Variants in SNRPN observed in about 807,000 individuals in gnomAD.
SNRPN encodes small nuclear ribonucleoprotein-associated protein N.
Under a neutral mutation model 25.2 loss-of-function variants are expected in SNRPN, and 7 were observed. That is an observed-to-expected ratio of 0.28 (90% CI 0.16 to 0.52). The LOEUF (loss-of-function observed/expected upper bound fraction) is 0.52. Among genes scored for constraint, SNRPN ranks in the 20% least tolerant of loss-of-function variants. The probability of loss-of-function intolerance (pLI) is 0.96; values close to 1 mark genes in which losing one functional copy is unlikely to be tolerated. For synonymous variants in SNRPN, 124 were observed against 110.6 expected (o/e 1.12, Z -0.76); for missense variants, 196 against 322.5 (o/e 0.61, Z 3.00).
chr15:24,970,718 AT>A (rs2076292931), intron 3 of SNRPN, among the ~76,000 whole-genome samples: 2 of 152,296 alleles, frequency 1.3e-5, no homozygotes, highest in African/African-American at 4.8e-5. Context: ...TTTTTGTTAC[AT>A]TGTTTTCTAA....
At chr15:24,888,456 T>C (rs953137538) in intron 2 of SNRPN, among the ~76,000 whole-genome samples, 3 of 152,192 alleles carry the variant, frequency 2.0e-5, no homozygotes, top group Admixed American at 1.3e-4. Flanking sequence ...CTACACAACA[T>C]CAGTTTTGTA....
chr15:24,903,557 G>C (rs1007075751), intron 2 of SNRPN, among the ~76,000 whole-genome samples: 1 of 152,102 alleles, frequency 6.6e-6, no homozygotes, highest in Non-Finnish European at 1.5e-5. Flanking sequence ...TGAATGTTTC[G>C]GCACAGGTTC....
At chr15:24,831,344 A>G (rs2050496852) in intron 2 of SNRPN, among the ~76,000 whole-genome samples, 1 of 151,872 alleles carries the variant, frequency 6.6e-6, no homozygotes, top group African/African-American at 2.4e-5. Flanking sequence ...ACTCTTATTA[A>G]TTGACAAAAT....
chr15:24,831,760 A>G (rs901379077), intron 2 of SNRPN, among the ~76,000 whole-genome samples: 17 of 152,058 alleles, frequency 1.1e-4, no homozygotes, highest in African/African-American at 3.4e-4. Flanking sequence ...TTCATTTAAC[A>G]TATTGTCATG....
intron 2 of SNRPN, among the ~76,000 whole-genome samples, chr15:24,963,242 T>C (rs989583259): frequency 2.6e-5 from 4 of 152,262 alleles, no homozygotes; most frequent in South Asian, 2.1e-4. Flanking sequence ...AACATTATTA[T>C]TGTAATCGTT....
intron 1 of SNRPN, among the ~76,000 whole-genome samples, chr15:24,863,172 C>A (rs1345954770): frequency 6.7e-6 from 1 of 150,194 alleles, no homozygotes; most frequent in South Asian, 2.1e-4. Context: ...TGGGGAGGGG[C>A]AAGGGTGGGG....
intron 1 of SNRPN, among the ~76,000 whole-genome samples, chr15:24,866,794 C>T (rs2054611178): frequency 6.6e-6 from 1 of 152,112 alleles, no homozygotes; most frequent in African/African-American, 2.4e-5. Flanking sequence ...AGGTATTTAT[C>T]TTTGTATGCT....
At chr15:24,875,010 T>C (rs1381043891) in intron 1 of SNRPN, among the ~76,000 whole-genome samples, 4 of 152,246 alleles carry the variant, frequency 2.6e-5, no homozygotes, top group African/African-American at 7.2e-5. Context: ...TTGTAAGTGA[T>C]AAGATGTATT....
chr15:24,854,354 G>T (rs1373896679), upstream of SNRPN, among the ~76,000 whole-genome samples: 9 of 152,118 alleles, frequency 5.9e-5, no homozygotes, highest in East Asian at 1.7e-3. Context: ...TGCAAAAAAT[G>T]GCCATAAAGG....
chr15:24,926,856 T>G (rs1417747317), intron 3 of SNRPN, among the ~76,000 whole-genome samples: 2 of 151,004 alleles, frequency 1.3e-5, no homozygotes, highest in African/African-American at 2.4e-5. Flanking sequence ...AAAAAAAATG[T>G]AAAAGTTAGT....
chr15:24,844,541 T>C (rs1251281558), intron 2 of SNRPN, among the ~76,000 whole-genome samples: 2 of 152,188 alleles, frequency 1.3e-5, no homozygotes, highest in Admixed American at 6.5e-5. Context: ...TTGTTTTTTT[T>C]TGAGACAGAG....
At chr15:24,835,363 T>C (rs1295473489) in intron 2 of SNRPN, among the ~76,000 whole-genome samples, 1 of 151,832 alleles carries the variant, frequency 6.6e-6, no homozygotes, top group East Asian at 1.9e-4. Flanking sequence ...GTTCAAACTT[T>C]AATCAAATGC....
intron 1 of SNRPN, among the ~76,000 whole-genome samples, chr15:24,873,595 C>T (rs2055459809): frequency 6.6e-6 from 1 of 151,900 alleles, no homozygotes; most frequent in African/African-American, 2.4e-5. Context: ...CCACAAGTGC[C>T]CACCACCACG....
At chr15:24,960,006 T>TA (rs2153451657) in intron 1 of SNRPN, among the ~76,000 whole-genome samples, 1 of 152,306 alleles carries the variant, frequency 6.6e-6, no homozygotes, top group Non-Finnish European at 1.5e-5. Flanking sequence ...GGCTCATGCC[T>TA]GTAATCCCAG....
At chr15:24,825,265 G>A (rs994261234) in intron 1 of SNRPN, among the ~76,000 whole-genome samples, 18 of 149,052 alleles carry the variant, frequency 1.2e-4, no homozygotes, top group Non-Finnish European at 1.6e-4. Context: ...TTATGACCTC[G>A]CGCCATTGAC....
chr15:24,970,243 T>G (rs2076229642), intron 3 of SNRPN, among the ~76,000 whole-genome samples: 1 of 152,046 alleles, frequency 6.6e-6, no homozygotes, highest in African/African-American at 2.4e-5. Flanking sequence ...CCGTTTTCAT[T>G]AAAAATGTAA....
intron 2 of SNRPN, among the ~76,000 whole-genome samples, chr15:24,901,693 A>C (rs1168566927): frequency 6.6e-6 from 1 of 152,246 alleles, no homozygotes; most frequent in Admixed American, 6.5e-5. Flanking sequence ...CCTGAGAATA[A>C]TGAAGATTAA....
At position 24,975,398 on chromosome 15, in the gene SNRPN, AT is replaced by A. The variant is rs770445659; in HGVS notation, c.45del (p.Tyr15Ter). On this transcript the variant is annotated frameshift_variant, in exon 5 of 10. Transcript: ENST00000390687. LOFTEE classifies it high-confidence loss of function. ...KSSKMLQHID[Y>X]RMRCILQDGR... is the part of the protein sequence containing the mutation. ...AGCAAGATGCTGCAGCACATTGACT[AT>A]AGAATGAGATGTATCCTGCAAGATG... 6.2e-7 allele frequency: 1 copy of A among 1,613,538 alleles called. No individual in the cohort carries two copies. The highest frequency in any genetic ancestry group is 8.5e-7 in the Non-Finnish European group (1 of 1,179,482).
In SNRPN at chr15:24,877,697, A is replaced by ACACACAC. The variant is rs1566858064; in HGVS notation, c.-578-8819_-578-8818insCACACAC. Among the ~76,000 whole-genome samples, 786 of 113,902 alleles carry ACACACAC rather than the reference A, an allele frequency of 6.9e-3. 10 individuals are homozygous for ACACACAC. The highest frequency in any genetic ancestry group is 0.019 in the African/African-American group (594 of 30,946). 74.7% of individuals were successfully genotyped at this position (113,902 alleles called of 152,430 possible). Reference sequence around the variant, plus strand: ...ACACACACACACACACACACACACAAACACACTAGCCGGGCGCAGTGGCGC... The same window carrying ACACACAC: ...ACACACACACACACACACACACACAACACACACACACACTAGCCGGGCGCAGTGGCGC... On this transcript the variant is annotated intron_variant, in intron 1 of 11. Transcript: ENST00000400097.
Sources: allele counts gnomAD v4.1 joint callset (sites outside exome capture counted in the v4.1 genomes callset), GRCh38; gene constraint gnomAD v4.1.1; transcripts MANE v1.5; gene names NCBI Gene and HGNC (gene_info 2026-07-23, HGNC 2026-07-21).